The following ATP8A2 variants were observed in gnomAD, a reference collection of about 807,000 sequenced individuals.
ATP8A2 encodes the protein ATPase phospholipid transporting 8A2, also known as phospholipid-transporting ATPase IB.
A neutral mutation model predicts 165.6 loss-of-function variants in ATP8A2; 100 were observed. The ratio of observed to expected loss-of-function variants is 0.60; its 90% confidence interval spans 0.51 to 0.71. The LOEUF (loss-of-function observed/expected upper bound fraction) is 0.71, where lower values mean the gene tolerates loss of function less well. Among genes scored for constraint, ATP8A2 ranks in the 30% least tolerant of loss-of-function variants. The pLI is 0.00. For missense variants in ATP8A2, 1,227 were observed against 1,479.5 expected (o/e 0.83, Z 2.80); for synonymous variants, 543 against 548.8 (o/e 0.99, Z 0.15).
chr13:25,468,382 T>A (rs1387388863), intron 1 of ATP8A2, among the ~76,000 whole-genome samples: 1 of 152,132 alleles, frequency 6.6e-6, no homozygotes, highest in Non-Finnish European at 1.5e-5. Context: ...CAGACAATGG[T>A]GGGAGCGAGC....
At chr13:25,848,062 T>G (rs1342674306) in intron 30 of ATP8A2, among the ~76,000 whole-genome samples, 5 of 152,214 alleles carry the variant, frequency 3.3e-5, no homozygotes, top group African/African-American at 7.2e-5. Context: ...AGAACCCCAG[T>G]AGAGGCCTGG....
chr13:25,747,861 C>T (rs1044199156), intron 25 of ATP8A2, among the ~76,000 whole-genome samples: 3 of 152,156 alleles, frequency 2.0e-5, no homozygotes, highest in African/African-American at 7.2e-5. Flanking sequence ...TAAAATGCAC[C>T]AAGTTTGACT....
chr13:25,411,533 G>A (rs968523658), intron 1 of ATP8A2, among the ~76,000 whole-genome samples: 5 of 152,176 alleles, frequency 3.3e-5, no homozygotes, highest in African/African-American at 1.2e-4. Flanking sequence ...TTATATTGTT[G>A]TTAGGAGACT....
chr13:26,013,504 G>C (rs753266168), intron 36 of ATP8A2, among the ~76,000 whole-genome samples: 1 of 152,088 alleles, frequency 6.6e-6, no homozygotes, highest in Admixed American at 6.5e-5. Context: ...GTGAAACCTC[G>C]TCTCTACTAA....
intron 1 of ATP8A2, among the ~76,000 whole-genome samples, chr13:25,378,106 C>T (rs2032703823): frequency 6.6e-6 from 1 of 151,926 alleles, no homozygotes; most frequent in South Asian, 2.1e-4. Context: ...CAGAGCGAGA[C>T]CCTTCCTCTA....
At chr13:25,681,428 T>A (rs1050829508) in intron 24 of ATP8A2, among the ~76,000 whole-genome samples, 1 of 152,230 alleles carries the variant, frequency 6.6e-6, no homozygotes, top group Non-Finnish European at 1.5e-5. Flanking sequence ...TTCCACACTC[T>A]TCAGGAGTTG....
intron 27 of ATP8A2, among the ~76,000 whole-genome samples, chr13:25,777,509 A>G (rs2044769267): frequency 2.0e-5 from 3 of 152,252 alleles, no homozygotes; most frequent in African/African-American, 7.2e-5. Flanking sequence ...AGAATAAATT[A>G]AATACATTAC....
chr13:25,535,265 T>C (rs1327722893), intron 6 of ATP8A2, among the ~76,000 whole-genome samples: 2 of 152,200 alleles, frequency 1.3e-5, no homozygotes, highest in East Asian at 3.8e-4. Flanking sequence ...TAATCTAATC[T>C]GAAGTGCTGA....
At chr13:25,838,161 C>T (rs941424782) in intron 29 of ATP8A2, among the ~76,000 whole-genome samples, 24 of 152,182 alleles carry the variant, frequency 1.6e-4, no homozygotes, top group African/African-American at 5.8e-4. Flanking sequence ...TCATGATTTG[C>T]GTGCATGGTT....
intron 2 of ATP8A2, among the ~76,000 whole-genome samples, chr13:25,480,645 G>A (rs1441988492): frequency 3.3e-5 from 5 of 151,268 alleles, no homozygotes; most frequent in African/African-American, 9.7e-5. Flanking sequence ...GATGGCGGCC[G>A]GGCAGAGATG....
intron 25 of ATP8A2, among the ~76,000 whole-genome samples, chr13:25,711,135 C>G (rs1173537756): frequency 1.3e-5 from 2 of 152,100 alleles, no homozygotes; most frequent in Non-Finnish European, 2.9e-5. Context: ...TCCGTAGTAG[C>G]TGGGATTACA....
At chr13:25,594,696 C>T (rs1010578253) in intron 24 of ATP8A2, among the ~76,000 whole-genome samples, 2 of 152,098 alleles carry the variant, frequency 1.3e-5, no homozygotes, top group Non-Finnish European at 2.9e-5. Flanking sequence ...AGTTACTTCA[C>T]TTGGAATAAT....
intron 29 of ATP8A2, among the ~76,000 whole-genome samples, chr13:25,839,295 T>C (rs184069648): frequency 2.6e-5 from 4 of 152,330 alleles, no homozygotes; most frequent in Admixed American, 2.6e-4. Context: ...TTGGTCTGCA[T>C]ACATGTGAGT....
At chr13:25,895,014 A>G (rs1593519724) in intron 33 of ATP8A2, among the ~76,000 whole-genome samples, 1 of 152,294 alleles carries the variant, frequency 6.6e-6, no homozygotes, top group East Asian at 1.9e-4. Flanking sequence ...TTCCTAATTG[A>G]ATGCCCTTTA....
chr13:25,478,464 T>C (rs776025474), intron 2 of ATP8A2, among the ~76,000 whole-genome samples: 1 of 152,096 alleles, frequency 6.6e-6, no homozygotes, highest in Admixed American at 6.6e-5. Flanking sequence ...GGTCTGACCA[T>C]TGTGGGGATG....
intron 28 of ATP8A2, among the ~76,000 whole-genome samples, chr13:25,836,812 C>T (rs1171051009): frequency 2.6e-5 from 4 of 152,180 alleles, no homozygotes; most frequent in Non-Finnish European, 5.9e-5. Context: ...GTAAATTTTA[C>T]GTCAGCTAGC....
chr13:25,899,710 C>T (rs964028171), intron 33 of ATP8A2, among the ~76,000 whole-genome samples: 3 of 152,016 alleles, frequency 2.0e-5, no homozygotes, highest in Non-Finnish European at 4.4e-5. Context: ...GGGGAGGGTG[C>T]AGGAAGAAGA....
chr13:25,698,523 C>T (rs1443815819), intron 24 of ATP8A2, among the ~76,000 whole-genome samples: 5 of 152,062 alleles, frequency 3.3e-5, no homozygotes, highest in African/African-American at 9.7e-5. Context: ...CGTGAACCAC[C>T]GTGCCCAGCC....
intron 26 of ATP8A2, among the ~76,000 whole-genome samples, chr13:25,771,729 T>TGGTCC (rs2044624015): frequency 6.6e-6 from 1 of 152,170 alleles, no homozygotes; most frequent in Admixed American, 6.5e-5. Context: ...CTCCTGTCCA[T>TGGTCC]GGTCCTATTG....
Sources: allele counts gnomAD v4.1 joint callset (sites outside exome capture counted in the v4.1 genomes callset), GRCh38; gene constraint gnomAD v4.1.1; transcripts MANE v1.5; gene names NCBI Gene and HGNC (gene_info 2026-07-23, HGNC 2026-07-21).